Variants in SUPT7L observed in about 807,000 individuals in gnomAD.
SUPT7L encodes the protein SPT7 like, STAGA complex subunit gamma, also known as STAGA complex 65 subunit gamma.
SUPT7L carries 15 observed loss-of-function variants against 35.7 expected under a neutral mutation model. That is an observed-to-expected ratio of 0.42 (90% confidence interval 0.28 to 0.65). The LOEUF (loss-of-function observed/expected upper bound fraction) is 0.65. Among genes scored for constraint, SUPT7L ranks in the 30% least tolerant of loss-of-function variants. SUPT7L has a pLI of 0.23. For synonymous variants in SUPT7L, 168 were observed against 186.2 expected (o/e 0.90, Z 0.79); for missense variants, 434 against 522.2 (o/e 0.83, Z 1.65).
At chr2:27,645,699 CTTTTT>C in the SUPT7L span, among the ~76,000 whole-genome samples, 1 of 150,858 alleles carries the variant, frequency 6.6e-6, no homozygotes, top group Non-Finnish European at 1.5e-5. Context: ...TTGCCTGTTT[CTTTTT>C]AATTTTTTTT....
chr2:27,659,894 T>G (rs970669434), intron 3 of SUPT7L, among the ~76,000 whole-genome samples: 1 of 152,148 alleles, frequency 6.6e-6, no homozygotes. Context: ...GTGAAGGTAT[T>G]TGGATGTTTG....
downstream of SUPT7L, among the ~76,000 whole-genome samples, chr2:27,649,663 AGTAGT>A (rs1406384395): frequency 1.3e-5 from 2 of 152,150 alleles, no homozygotes; most frequent in Non-Finnish European, 2.9e-5. Context: ...TTTTTGACTC[AGTAGT>A]GTAGTCTCTC....
intron 5 of SUPT7L, among the ~76,000 whole-genome samples, chr2:27,654,776 C>T (rs1161442813): frequency 6.6e-6 from 1 of 152,102 alleles, no homozygotes; most frequent in African/African-American, 2.4e-5. Context: ...CTGTGTTAGC[C>T]AGGATGTTCT....
At position 27,653,480 on chromosome 2, in the gene SUPT7L, T is replaced by C; in HGVS notation, c.*5A>G. ...GTCTGGACAAAACATCTCCCTCTTTTCCTTTTATATTTTCCTCATCCTCTT... is the reference window on the plus strand; with the variant it reads ...GTCTGGACAAAACATCTCCCTCTTTCCCTTTTATATTTTCCTCATCCTCTT... On this transcript the variant is annotated 3_prime_UTR_variant, in exon 6 of 6. Transcript: ENST00000337768. The C allele has an allele frequency of 6.2e-7, 1 of 1,612,124 alleles. No individual in the cohort carries two copies. The highest frequency in any genetic ancestry group is 1.3e-5 in the African/African-American group (1 of 75,022).
Position 27,650,944 on chromosome 2 carries a change from G to A in SUPT7L, c.*2541C>T, listed in dbSNP as rs1674507808. On this transcript the variant is annotated 3_prime_UTR_variant, in exon 6 of 6. Coordinates refer to ENST00000337768, the MANE Select transcript of SUPT7L (RefSeq NM_014860.3). ...GTTCAACAGAGGCTTAAGGCCAGAT[G>A]TCCAAACTTGTCTCAATAAGGAGGT... is the stretch of plus-strand genomic sequence containing the variant. The A allele has an allele frequency of 6.5e-6, 1 of 152,714 alleles. No homozygotes were observed. The highest frequency in any genetic ancestry group is 1.5e-5 in the Non-Finnish European group (1 of 68,042). 9.5% of individuals were successfully genotyped at this position (152,714 alleles called of 1,614,324 possible).
chr2:27,642,610 C>T, the SUPT7L span: 1 of 810,606 alleles, frequency 1.2e-6, no homozygotes. Flanking sequence ...GAGTTTCACT[C>T]TTGTTGCCCA....
Position 27,663,387 on chromosome 2 carries a change from T to G in SUPT7L, c.-148A>C. On this transcript the variant is annotated 5_prime_UTR_variant, in exon 1 of 6. Coordinates refer to ENST00000337768, the MANE Select transcript of SUPT7L (RefSeq NM_014860.3). ...AGGAATGCCCAAGTCCCTCCAGGGG[T>G]TTCCTCGGTCACGGTCCGCCGGCGC... 1 of 216,998 alleles carries G rather than the reference T, an allele frequency of 4.6e-6. No homozygotes were observed. Among genetic ancestry groups the G allele is most frequent in the Non-Finnish European group, 9.4e-6 (1 of 106,244 alleles). The allele number at this position is 216,998 out of a possible 1,614,324, so 13.4% of individuals were successfully genotyped here. A position where few individuals can be genotyped will look rare whatever the true frequency, so the allele number is the denominator to read the frequency against.
chr2:27,653,427 CA>C lies in SUPT7L; in HGVS notation c.*57del. On this transcript the variant is annotated 3_prime_UTR_variant, in exon 6 of 6. Transcript: ENST00000337768. ...ATTTTTAAGGAAACAGATTCTAATA[CA>C]AAAACCTTTTCTGTTGGGTCTAGTA... 6 of 1,553,282 alleles carry C rather than the reference CA, an allele frequency of 3.9e-6. No individual in the cohort carries two copies. Among genetic ancestry groups the C allele is most frequent in the Non-Finnish European group, 5.2e-6 (6 of 1,154,834 alleles).
At chr2:27,650,086 G>GA (rs762799829), downstream of SUPT7L, 8 of 1,277,578 alleles carry the variant, frequency 6.3e-6, no homozygotes, top group African/African-American at 1.0e-4. Flanking sequence ...TGAAAGAGTT[G>GA]AAAAAGAATT....
chr2:27,650,228 T>G (rs185455659), downstream of SUPT7L: 47 of 1,358,960 alleles, frequency 3.5e-5, no homozygotes, highest in East Asian at 1.1e-3. Flanking sequence ...CACTTGTTTC[T>G]AGAAGTCCAG....
downstream of SUPT7L, among the ~76,000 whole-genome samples, chr2:27,646,167 G>T (rs969932665): frequency 6.6e-6 from 1 of 152,140 alleles, no homozygotes; most frequent in African/African-American, 2.4e-5. Flanking sequence ...TCAGCCTCCT[G>T]TGTAGCTGGG....
At position 27,655,431 on chromosome 2, in the gene SUPT7L, C is replaced by T. The variant is rs1674749532; in HGVS notation, c.916G>A (p.Val306Met). Residue 306 changes from valine (V) to methionine (M), a missense_variant, in exon 5 of 6, where the codon GTG (valine) becomes ATG (methionine). By Grantham distance (21) the Val-to-Met change is conservative (BLOSUM62 1). Coordinates refer to ENST00000337768, the MANE Select transcript of SUPT7L (RefSeq NM_014860.3). Reference sequence around the variant, plus strand: ...AAGCGTTCGCTCTGAGCCCCAAGCACTCCCATAGGCAGTGACTGGTCTCCA... The same window carrying T: ...AAGCGTTCGCTCTGAGCCCCAAGCATTCCCATAGGCAGTGACTGGTCTCCA... ...ASGDQSLPMG[V>M]LGAQSERFPS... 1.9e-6 allele frequency: 3 copies of T among 1,613,386 alleles called. No individual in the cohort carries two copies. Among genetic ancestry groups the T allele is most frequent in the Non-Finnish European group, 2.5e-6 (3 of 1,179,748 alleles).
intron 4 of SUPT7L, 76 bp from the exon 5 acceptor site, chr2:27,655,678 G>A: frequency 7.9e-7 from 1 of 1,272,448 alleles, no homozygotes; most frequent in Non-Finnish European, 1.1e-6. Context: ...ACGTCCCATG[G>A]AAAAGCCAAC....
At chr2:27,642,992 C>CACACACACACACACACAT in the SUPT7L span, among the ~76,000 whole-genome samples, 1 of 150,732 alleles carries the variant, frequency 6.6e-6, no homozygotes, top group Admixed American at 6.6e-5. Flanking sequence ...CACACACACA[C>CACACACACACACACACAT]ACATACATAT....
At chr2:27,655,307 A>G (rs1558498367) in intron 5 of SUPT7L, 58 bp downstream of exon 5, 24 of 1,471,044 alleles carry the variant, frequency 1.6e-5, no homozygotes, top group Middle Eastern at 1.8e-4. Flanking sequence ...CAAAAAGCAA[A>G]AAGTACTGAA....
rs1306823957 is a variant in SUPT7L, at chr2:27,657,903, A to AT, written c.420-235dup. ...TAGTTTGAATAGGCAATACATGTCT[A>AT]TAATACACAATCCAAAAGGATATCT... is the stretch of plus-strand genomic sequence containing the variant. On this transcript the variant is annotated intron_variant, in intron 3 of 5. Transcript: ENST00000337768. The surrounding 1 kb of genome is among the most constrained non-coding windows in gnomAD (Gnocchi z 5.2). 6.6e-6 allele frequency among the ~76,000 whole-genome samples: 1 copy of AT among 152,246 alleles called. No homozygotes were observed. Among genetic ancestry groups the AT allele is most frequent in the Non-Finnish European group, 1.5e-5 (1 of 68,044 alleles).
chr2:27,654,202 A>G (rs971886504), intron 5 of SUPT7L, among the ~76,000 whole-genome samples: 1 of 152,320 alleles, frequency 6.6e-6, no homozygotes, highest in South Asian at 2.1e-4. Context: ...TGGTCACTAC[A>G]TAATGCTAAC....
rs1674866339 is a variant in SUPT7L at position 27,657,611 on chromosome 2, G to C, written c.478C>G (p.Gln160Glu). 1 of 1,614,084 alleles carries C rather than the reference G, an allele frequency of 6.2e-7. No individual in the cohort carries two copies. The highest frequency in any genetic ancestry group is 1.1e-5 in the South Asian group (1 of 91,092). ...SWHSCRQLLYQAVATILAHAG... is the reference protein window; with the variant it reads ...SWHSCRQLLYEAVATILAHAG... Reference sequence around the variant, plus strand: ...TGGGCCAGGATTGTGGCCACTGCCTGGTAGAGGAGCTGCCGACAGGAGTGC... The same window carrying C: ...TGGGCCAGGATTGTGGCCACTGCCTCGTAGAGGAGCTGCCGACAGGAGTGC... Residue 160 changes from glutamine to glutamate, a missense_variant, in exon 4 of 6, where the codon CAG becomes GAG. By Grantham distance (29) the Gln-to-Glu change is conservative. Around this residue, in one of 3 missense-constraint regions of SUPT7L, gnomAD observed 198 missense variants for 190.8 expected, o/e 1.04. Transcript: ENST00000337768. This position sits in a 1 kb window ranked among gnomAD's most constrained non-coding sequence, Gnocchi z 5.2.
chr2:27,661,603 T>C (rs1675112984), intron 2 of SUPT7L: 1 of 1,400,182 alleles, frequency 7.1e-7, no homozygotes, highest in Non-Finnish European at 9.2e-7. Context: ...GTGTTCTCCC[T>C]AAATAAATTA....
Sources: allele counts gnomAD v4.1 joint callset (sites outside exome capture counted in the v4.1 genomes callset), GRCh38; gene constraint gnomAD v4.1.1; regional missense constraint gnomAD v4.1.1; non-coding constraint Gnocchi (gnomAD v3.1); transcripts MANE v1.5; gene names NCBI Gene and HGNC (gene_info 2026-07-23, HGNC 2026-07-21).